The following RBFOX2 variants were observed in gnomAD, a reference collection of about 807,000 sequenced individuals.
RBFOX2 encodes the protein RNA binding fox-1 homolog 2, also known as RNA binding protein fox-1 homolog 2.
Under a neutral mutation model 49.1 loss-of-function variants are expected in RBFOX2, and 10 were observed. That is an observed-to-expected ratio of 0.20 (90% CI 0.13 to 0.35). The LOEUF (loss-of-function observed/expected upper bound fraction) is 0.35. Among genes scored for constraint, RBFOX2 ranks in the 10% least tolerant of loss-of-function variants. The pLI is 1.00. For missense variants in RBFOX2, 323 were observed against 486.9 expected (o/e 0.66, Z 3.17); for synonymous variants, 183 against 187.4 (o/e 0.98, Z 0.19).
upstream of RBFOX2, among the ~76,000 whole-genome samples, chr22:35,966,441 C>T (rs1001060909): frequency 2.0e-5 from 3 of 152,178 alleles, no homozygotes; most frequent in Non-Finnish European, 4.4e-5. Context: ...TACCAATTTA[C>T]ATTCCTACCA....
intron 1 of RBFOX2, among the ~76,000 whole-genome samples, chr22:36,025,076 G>A (rs989385821): frequency 2.6e-5 from 4 of 152,162 alleles, no homozygotes; most frequent in African/African-American, 9.7e-5. Context: ...CCAAAGTGCT[G>A]GGATTACAGG....
chr22:35,768,741 A>C (rs1941789257), intron 4 of RBFOX2, among the ~76,000 whole-genome samples: 1 of 152,186 alleles, frequency 6.6e-6, no homozygotes, highest in Non-Finnish European at 1.5e-5. Context: ...TGTAATACTA[A>C]AAAAGACTTA....
At chr22:35,886,958 C>A (rs1176652869) in intron 1 of RBFOX2, among the ~76,000 whole-genome samples, 3 of 152,124 alleles carry the variant, frequency 2.0e-5, no homozygotes. Flanking sequence ...GGTGTTTAAT[C>A]CTCCACCCTC....
chr22:35,933,533 T>C (rs2052664995), intron 1 of RBFOX2, among the ~76,000 whole-genome samples: 2 of 152,162 alleles, frequency 1.3e-5, no homozygotes, highest in Admixed American at 1.3e-4. Context: ...AAATTATCTC[T>C]AGTTTGTGTG....
intron 1 of RBFOX2, among the ~76,000 whole-genome samples, chr22:35,981,272 T>A (rs973245972): frequency 6.6e-6 from 1 of 152,178 alleles, no homozygotes; most frequent in African/African-American, 2.4e-5. Flanking sequence ...ACACAGAATG[T>A]AGCCAGTTCC....
intron 9 of RBFOX2, among the ~76,000 whole-genome samples, chr22:35,750,084 C>T (rs1409347376): frequency 6.6e-6 from 1 of 152,102 alleles, no homozygotes; most frequent in African/African-American, 2.4e-5. Context: ...ACATTCCATA[C>T]CCTAACGACT....
chr22:35,821,719 A>G, intron 1 of RBFOX2: 6 of 515,784 alleles, frequency 1.2e-5, no homozygotes, highest in Admixed American at 3.9e-5. Flanking sequence ...TTCCCAGGCC[A>G]GAGGCTGCCA....
chr22:35,832,040 A>T (rs1956900908), intron 1 of RBFOX2, among the ~76,000 whole-genome samples: 2 of 152,200 alleles, frequency 1.3e-5, no homozygotes. Context: ...GAAATTATAA[A>T]TTGCCAACAA....
chr22:35,797,475 T>C (rs1375509727), intron 2 of RBFOX2, among the ~76,000 whole-genome samples: 1 of 152,232 alleles, frequency 6.6e-6, no homozygotes, highest in Non-Finnish European at 1.5e-5. Flanking sequence ...AAATATCATA[T>C]ACTAATGTGG....
rs187090464 is a variant in RBFOX2 at position 35,985,597 on chromosome 22, C to T, written c.186+42643G>A. On this transcript the variant is annotated intron_variant, in intron 1 of 13. Coordinates refer to the RBFOX2 transcript ENST00000438146. ...AAGGCCTTTAAAATACTGTGTTATC[C>T]AAACAAAATCCCATGTGTGGGAGCC... is the stretch of plus-strand genomic sequence containing the variant. Among the ~76,000 whole-genome samples the T allele has an allele frequency of 7.3e-4, 111 of 152,228 alleles. No individual in the cohort carries two copies. The East Asian group carries it at 0.014, about 19-fold the overall frequency.
chr22:35,863,221 T>C lies in RBFOX2; in HGVS notation c.-33-53217A>G, dbSNP rs534020085. ...GTTATTTTTGCAAATATTTGTTATT[T>C]TGTAACATATTTATGTTATTTTTGT... is the stretch of plus-strand genomic sequence containing the variant. On this transcript the variant is annotated intron_variant, in intron 1 of 13. Coordinates refer to the RBFOX2 transcript ENST00000359369. Among the ~76,000 whole-genome samples, 7 of 152,162 alleles carry C rather than the reference T, an allele frequency of 4.6e-5. No individual in the cohort carries two copies. The South Asian group carries it at 1.4e-3, about 31-fold the overall frequency.
upstream of RBFOX2, among the ~76,000 whole-genome samples, chr22:35,943,536 G>A (rs1339429287): frequency 1.3e-5 from 2 of 152,118 alleles, no homozygotes; most frequent in South Asian, 2.1e-4. Context: ...AATTAAAACC[G>A]TTTAGAAGCT....
chr22:35,962,076 T>C (rs1371679816), upstream of RBFOX2, among the ~76,000 whole-genome samples: 2 of 152,172 alleles, frequency 1.3e-5, no homozygotes, highest in African/African-American at 2.4e-5. Flanking sequence ...AAAAAAACAG[T>C]TGGGTCATTT....
At chr22:35,897,211 AC>A in intron 1 of RBFOX2, 1 of 1,015,160 alleles carries the variant, frequency 9.9e-7, no homozygotes, top group Non-Finnish European at 1.5e-6. Flanking sequence ...GGGTGCTCAA[AC>A]CACACGGGCT....
rs1048970071 is a variant in RBFOX2, at chr22:35,851,687, C to T, written c.-33-41683G>A. On this transcript the variant is annotated intron_variant, in intron 1 of 13. Coordinates refer to the RBFOX2 transcript ENST00000359369. ...ATTAAAAATACAAAAATTAGCTGGG[C>T]GTGGTGGCATGCACCCTGTAATCCC... Among the ~76,000 whole-genome samples the T allele has an allele frequency of 9.2e-5, 14 of 151,682 alleles. No homozygotes were observed. The East Asian group carries it at 2.1e-3, about 23-fold the overall frequency.
At chr22:35,840,637 T>C (rs1603388584), upstream of RBFOX2, 1 of 1,028,162 alleles carries the variant, frequency 9.7e-7, no homozygotes, top group Non-Finnish European at 1.2e-6. Flanking sequence ...TGTGCGTGTG[T>C]GTGTGTGTGT....
intron 1 of RBFOX2, among the ~76,000 whole-genome samples, chr22:35,981,119 G>A (rs1420397027): frequency 6.6e-6 from 1 of 152,148 alleles, no homozygotes; most frequent in African/African-American, 2.4e-5. Context: ...CAACGTTATG[G>A]TAGTAATTAT....
chr22:35,817,480 AT>A lies in RBFOX2; in HGVS notation c.28-7477del, dbSNP rs1341462319. Among the ~76,000 whole-genome samples the A allele has an allele frequency of 3.1e-4, 12 of 38,384 alleles. No homozygotes were observed. In the South Asian group the frequency reaches 6.5e-3, roughly 21 times the overall value. 25.2% of individuals were successfully genotyped at this position (38,384 alleles called of 152,430 possible). A position where few individuals can be genotyped will look rare whatever the true frequency, so the allele number is the denominator to read the frequency against. ...CAACAGAGTAAGACTTTGTCTCAAA[AT>A]AAATAAATAAATAAATAAATAAATA... On this transcript the variant is annotated intron_variant, in intron 1 of 11. Transcript: ENST00000405409.
chr22:35,842,610 T>C (rs779390700), upstream of RBFOX2, among the ~76,000 whole-genome samples: 1 of 152,188 alleles, frequency 6.6e-6, no homozygotes, highest in Non-Finnish European at 1.5e-5. Flanking sequence ...TCAGAATCAC[T>C]GTGTATCATT....
Sources: allele counts gnomAD v4.1 joint callset (sites outside exome capture counted in the v4.1 genomes callset), GRCh38; gene constraint gnomAD v4.1.1; transcripts MANE v1.5; gene names NCBI Gene and HGNC (gene_info 2026-07-23, HGNC 2026-07-21).